SLC38A5: variants seen among roughly 807,000 people sequenced by gnomAD.
The protein encoded by SLC38A5 is sodium-coupled neutral amino acid transporter 5.
Under a neutral mutation model 34.6 loss-of-function variants are expected in SLC38A5, and 9 were observed. The ratio of observed to expected loss-of-function variants is 0.26; its 90% CI spans 0.16 to 0.45. The LOEUF (loss-of-function observed/expected upper bound fraction) is 0.45. Ranked by LOEUF, SLC38A5 falls within the 20% of genes least tolerant of loss-of-function variation. The pLI is 1.00. For synonymous variants in SLC38A5, 157 were observed against 155.6 expected (o/e 1.01, Z -0.07); for missense variants, 253 against 394.7 (o/e 0.64, Z 3.04).
chrX:48,467,067 T>C lies in SLC38A5; in HGVS notation c.140A>G (p.Lys47Arg). The change falls in exon 5 of 17, where the codon AAG becomes AGG. Residue 47 changes from lysine to arginine, a missense_variant. Physicochemically the swap from Lys to Arg is conservative, Grantham distance 26. Coordinates refer to ENST00000620913, the MANE Select transcript of SLC38A5 (RefSeq NM_033518.4). ...KPVQFMDFEG[K>R]TSFGMSVFNL... is the part of the protein sequence containing the mutation. Reference sequence around the variant, plus strand: ...GAACACTGACATTCCAAACGATGTCTTCCCCTCGAACTGCACGCAAGGAGC... The same window carrying C: ...GAACACTGACATTCCAAACGATGTCCTCCCCTCGAACTGCACGCAAGGAGC... 1 of 1,210,219 alleles carries C rather than the reference T, an allele frequency of 8.3e-7. No homozygotes were observed. Among genetic ancestry groups the C allele is most frequent in the Non-Finnish European group, 1.1e-6 (1 of 894,328 alleles).
At chrX:48,466,419 G>A in intron 6 of SLC38A5, 97 bp from the exon 7 acceptor site, 1 of 891,689 alleles carries the variant, frequency 1.1e-6, no homozygotes, top group Non-Finnish European at 1.6e-6. Flanking sequence ...GGGCTTGGGG[G>A]AACCGGCTTT....
At chrX:48,461,151 G>T in intron 12 of SLC38A5, 65 bp from the exon 13 acceptor site, 10 of 945,857 alleles carry the variant, frequency 1.1e-5, no homozygotes, top group Admixed American at 5.1e-5. Flanking sequence ...GTCCCTCAAA[G>T]CCAGCCTCCA....
In SLC38A5 at chrX:48,458,825, C is replaced by T. The variant is rs142882522; in HGVS notation, c.*108G>A. The T allele has an allele frequency of 9.6e-5, 105 of 1,097,688 alleles. No homozygotes were observed. The African/African-American group carries it at 1.4e-3, about 15-fold the overall frequency. The allele number at this position is 1,097,688 out of a possible 1,213,427, so 90.5% of individuals were successfully genotyped here. A position where few individuals can be genotyped will look rare whatever the true frequency, so the allele number is the denominator to read the frequency against. ...TGCTGTCCCCCGCCTCTGACAACCA[C>T]GTTCATGGGAACCAGCCACCTCCAC... On this transcript the variant is annotated 3_prime_UTR_variant, in exon 17 of 17. Transcript: ENST00000620913.
chrX:48,463,913 G>GAAAGAAAGAA (rs1569470029), intron 8 of SLC38A5, among the ~76,000 whole-genome samples: 110 of 96,287 alleles, frequency 1.1e-3, no homozygotes, highest in Middle Eastern at 5.4e-3. Flanking sequence ...GAAAGAAAGA[G>GAAAGAAAGAA]AAAGAAAGAA....
intron 8 of SLC38A5, among the ~76,000 whole-genome samples, chrX:48,463,854 A>AGAAG (rs2061454133): frequency 9.0e-5 from 1 of 11,097 alleles, no homozygotes. Flanking sequence ...AGAAAGAGAG[A>AGAAG]GAAAGAAAGA....
At position 48,467,029 on chromosome X, in the gene SLC38A5, C is replaced by T. The variant is rs1556963630; in HGVS notation, c.178G>A (p.Ala60Thr). 1.7e-6 allele frequency: 2 copies of T among 1,210,703 alleles called. No homozygotes were observed. The highest frequency in any genetic ancestry group is 5.9e-5 in the East Asian group (2 of 33,774). Residue 60 changes from alanine (A) to threonine (T), a missense_variant, in exon 5 of 17, where the codon GCC (alanine) becomes ACC (threonine). Ala to Thr is a moderately conservative substitution (Grantham distance 58, BLOSUM62 0). Coordinates refer to ENST00000620913, the MANE Select transcript of SLC38A5 (RefSeq NM_033518.4). Reference sequence around the variant, plus strand: ...CCCAGGATGCCGCTGCCCATGATGGCGTTGCTGAGGTTGAACACTGACATT... The same window carrying T: ...CCCAGGATGCCGCTGCCCATGATGGTGTTGCTGAGGTTGAACACTGACATT... ...FGMSVFNLSNAIMGSGILGLA... is the reference protein window; with the variant it reads ...FGMSVFNLSNTIMGSGILGLA...
Position 48,458,985 on chromosome X carries a change from C to A in SLC38A5, c.1367G>T (p.Gly456Val). Reference sequence around the variant, plus strand: ...TGTGGCCCAGTTGGCAAACATAAAGCCTAGACTGACGGCCATGAAGAGGAC... The same window carrying A: ...TGTGGCCCAGTTGGCAAACATAAAGACTAGACTGACGGCCATGAAGAGGAC... ...LGVLFMAVSLGFMFANWATGQ... is the reference protein window; with the variant it reads ...LGVLFMAVSLVFMFANWATGQ... The change falls in exon 17 of 17, where the codon GGC (glycine) becomes GTC (valine). Residue 456 changes from glycine (G) to valine (V), a missense_variant. This residue lies in a region of SLC38A5 where 176 missense variants were observed against 273.0 expected (regional missense o/e 0.64). Coordinates refer to ENST00000620913, the MANE Select transcript of SLC38A5 (RefSeq NM_033518.4). 8.4e-7 allele frequency: 1 copy of A among 1,195,518 alleles called. No homozygotes were observed. The highest frequency in any genetic ancestry group is 1.1e-6 in the Non-Finnish European group (1 of 886,615).
In SLC38A5 at chrX:48,462,298, G is replaced by C. The variant is rs2061439906; in HGVS notation, c.575-7C>G. 1 of 1,204,708 alleles carries C rather than the reference G, an allele frequency of 8.3e-7. No individual in the cohort carries two copies. The highest frequency in any genetic ancestry group is 1.1e-6 in the Non-Finnish European group (1 of 892,254). On this transcript the variant is annotated splice_region_variant and splice_polypyrimidine_tract_variant and intron_variant, in intron 9 of 16. Coordinates refer to ENST00000620913, the MANE Select transcript of SLC38A5 (RefSeq NM_033518.4). Reference sequence around the variant, plus strand: ...CTGGTGTACCCCAGGTAGCCTAAGAGGGGCAAAACACAGAGTCTCAGAAAT... The same window carrying C: ...CTGGTGTACCCCAGGTAGCCTAAGACGGGCAAAACACAGAGTCTCAGAAAT...
In SLC38A5 at chrX:48,460,957, C is replaced by T. The variant is rs782242689; in HGVS notation, c.952+29G>A. 6 of 1,087,771 alleles carry T rather than the reference C, an allele frequency of 5.5e-6. No individual in the cohort carries two copies. In the South Asian group the frequency reaches 7.7e-5, roughly 14 times the overall value. The allele number at this position is 1,087,771 out of a possible 1,213,427, so 89.6% of individuals were successfully genotyped here. A position where few individuals can be genotyped will look rare whatever the true frequency, so the allele number is the denominator to read the frequency against. ...GCTCCTGCCCCAGGCCTTCCCCCTC[C>T]CCCCAGCCCTAGCCCCAGCCCCACT... On this transcript the variant is annotated intron_variant, in intron 13 of 16. Coordinates refer to ENST00000620913, the MANE Select transcript of SLC38A5 (RefSeq NM_033518.4).
chrX:48,466,194 C>T lies in SLC38A5; in HGVS notation c.412+36G>A, dbSNP rs376005253. Reference sequence around the variant, plus strand: ...GGAAGCCCACCTCACTCCGCCCTCTCCCCCCAAGCTGACCCCCACCTCCCA... The same window carrying T: ...GGAAGCCCACCTCACTCCGCCCTCTTCCCCCAAGCTGACCCCCACCTCCCA... On this transcript the variant is annotated intron_variant, in intron 7 of 16. Transcript: ENST00000620913. 8.5e-6 allele frequency: 8 copies of T among 939,803 alleles called. No homozygotes were observed. The African/African-American group carries it at 1.6e-4, about 19-fold the overall frequency. 77.5% of individuals were successfully genotyped at this position (939,803 alleles called of 1,213,427 possible). A position where few individuals can be genotyped will look rare whatever the true frequency, so the allele number is the denominator to read the frequency against.
chrX:48,462,894 T>C lies in SLC38A5; in HGVS notation c.574+4A>G. 8.3e-7 allele frequency: 1 copy of C among 1,203,762 alleles called. No homozygotes were observed. Among genetic ancestry groups the C allele is most frequent in the Non-Finnish European group, 1.1e-6 (1 of 890,914 alleles). ...CCCAATGGCCAACCCAGGGAGCCTCTTACCCAAGTGTTTCATGAGGGCGAG... is the reference window on the plus strand; with the variant it reads ...CCCAATGGCCAACCCAGGGAGCCTCCTACCCAAGTGTTTCATGAGGGCGAG... On this transcript the variant is annotated splice_donor_region_variant and intron_variant, in intron 9 of 16. Coordinates refer to ENST00000620913, the MANE Select transcript of SLC38A5 (RefSeq NM_033518.4).
At chrX:48,466,173 G>A (rs2061474591) in intron 7 of SLC38A5, 57 bp downstream of exon 7, 1 of 1,158,533 alleles carries the variant, frequency 8.6e-7, no homozygotes, top group African/African-American at 1.8e-5. Context: ...GCCTGGGGAA[G>A]CCCACCTCAC....
chrX:48,462,899 C>A lies in SLC38A5; in HGVS notation c.573G>T (p.Leu191Phe). Residue 191 changes from leucine (L) to phenylalanine (F), a missense_variant and splice_region_variant, in exon 9 of 17, where the codon TTG becomes TTT. Transcript: ENST00000620913. ...IILPLALMKH[L>F]GYLGYTSGLS... ...TGGCCAACCCAGGGAGCCTCTTACC[C>A]AAGTGTTTCATGAGGGCGAGGGGCA... The A allele has an allele frequency of 8.3e-7, 1 of 1,205,522 alleles. No homozygotes were observed. Among genetic ancestry groups the A allele is most frequent in the Non-Finnish European group, 1.1e-6 (1 of 892,220 alleles).
rs1353599729 is a variant in SLC38A5 at position 48,461,914 on chromosome X, C to T, written c.771+93G>A. ...TCAGACACATAGAAGCTCCCAATGT[C>T]GAATATCCAGCTCCACTCTGAGCAG... On this transcript the variant is annotated intron_variant, in intron 11 of 16. Coordinates refer to ENST00000620913, the MANE Select transcript of SLC38A5 (RefSeq NM_033518.4). 4 of 1,128,380 alleles carry T rather than the reference C, an allele frequency of 3.5e-6. No individual in the cohort carries two copies. The East Asian group carries it at 9.5e-5, about 27-fold the overall frequency. 93.0% of individuals were successfully genotyped at this position (1,128,380 alleles called of 1,213,427 possible).
chrX:48,465,739 C>T (rs782125580), intron 8 of SLC38A5, among the ~76,000 whole-genome samples: 30 of 111,821 alleles, frequency 2.7e-4, no homozygotes, highest in Non-Finnish European at 4.3e-4. Context: ...TACATTCACA[C>T]ACACATGGTC....
At chrX:48,467,659 G>A (rs1602034810) in intron 4 of SLC38A5, 51 bp downstream of exon 4, 1 of 1,130,218 alleles carries the variant, frequency 8.8e-7, no homozygotes, top group East Asian at 3.1e-5. Flanking sequence ...AGTGCGGGAG[G>A]AGATTAGCTG....
chrX:48,466,786 C>T lies in SLC38A5; in HGVS notation c.319+13G>A, dbSNP rs1556963474. 1 of 1,188,920 alleles carries T rather than the reference C, an allele frequency of 8.4e-7. No homozygotes were observed. The highest frequency in any genetic ancestry group is 1.1e-6 in the Non-Finnish European group (1 of 883,848). ...GGTGGAGTGGGGACTGGGATCCAGG[C>T]TCTGGGTCTCACCTGCAATACCAGC... On this transcript the variant is annotated intron_variant, in intron 6 of 16. Coordinates refer to ENST00000620913, the MANE Select transcript of SLC38A5 (RefSeq NM_033518.4).
At chrX:48,465,889 C>G in intron 8 of SLC38A5, 126 bp downstream of exon 8, 1 of 566,434 alleles carries the variant, frequency 1.8e-6, no homozygotes. Context: ...ACCCAAGTGG[C>G]CTGCCCAGCA....
intron 12 of SLC38A5, among the ~76,000 whole-genome samples, chrX:48,461,343 G>A (rs1318019550): frequency 4.5e-5 from 5 of 110,484 alleles, no homozygotes; most frequent in East Asian, 2.9e-4. Flanking sequence ...CATCCATGCT[G>A]TCCCTCTGTC....
Sources: gnomAD v4.1 joint callset for allele counts (sites outside exome capture counted in the v4.1 genomes callset) on GRCh38, gnomAD v4.1.1 for gene constraint, gnomAD v4.1.1 regional missense constraint, MANE v1.5 for transcripts, NCBI Gene and HGNC (gene_info 2026-07-23, HGNC 2026-07-21) for gene names.